Variants in SLC17A8 observed in about 807,000 individuals in gnomAD.
The protein encoded by SLC17A8 is vesicular glutamate transporter 3.
Under a neutral mutation model 58.0 loss-of-function variants are expected in SLC17A8, and 31 were observed. The observed-to-expected ratio is 0.53, with a 90% CI of 0.40 to 0.72. The LOEUF (loss-of-function observed/expected upper bound fraction) is 0.72, where lower values mean the gene tolerates loss of function less well. Ranked by LOEUF, SLC17A8 falls within the 30% of genes least tolerant of loss-of-function variation. The pLI is 0.00. For synonymous variants in SLC17A8, 228 were observed against 249.0 expected (o/e 0.92, Z 0.79); for missense variants, 655 against 727.8 (o/e 0.90, Z 1.15).
intron 9 of SLC17A8, among the ~76,000 whole-genome samples, chr12:100,409,029 C>A (rs766027555): frequency 6.6e-6 from 1 of 152,060 alleles, no homozygotes; most frequent in Non-Finnish European, 1.5e-5. Context: ...GAAATAGGTT[C>A]AAAAAGGTAA....
At chr12:100,389,608 T>TAG (rs1453065049) in intron 2 of SLC17A8, among the ~76,000 whole-genome samples, 1 of 150,706 alleles carries the variant, frequency 6.6e-6, no homozygotes, top group Non-Finnish European at 1.5e-5. Context: ...ATTATATATA[T>TAG]ATAGAGAGAG....
intron 2 of SLC17A8, among the ~76,000 whole-genome samples, chr12:100,383,880 T>A (rs575207887): frequency 4.6e-5 from 7 of 151,972 alleles, no homozygotes; most frequent in South Asian, 4.2e-4. Flanking sequence ...TTAAAAAAAA[T>A]TTTTTTTAGA....
chr12:100,411,438 C>A (rs910992813), intron 9 of SLC17A8, among the ~76,000 whole-genome samples: 4 of 152,154 alleles, frequency 2.6e-5, no homozygotes, highest in Non-Finnish European at 5.9e-5. Flanking sequence ...CAAGATCATG[C>A]CGTTGCACTC....
intron 1 of SLC17A8, among the ~76,000 whole-genome samples, chr12:100,363,862 G>A (rs2135969306): frequency 6.6e-6 from 1 of 151,950 alleles, no homozygotes; most frequent in Non-Finnish European, 1.5e-5. Context: ...TCAACATGGT[G>A]AAACATATAT....
intron 2 of SLC17A8, among the ~76,000 whole-genome samples, chr12:100,388,148 T>C (rs1189808555): frequency 6.6e-6 from 1 of 152,130 alleles, no homozygotes; most frequent in Non-Finnish European, 1.5e-5. Context: ...AGCTCACATC[T>C]CAAATGACCA....
intron 1 of SLC17A8, among the ~76,000 whole-genome samples, chr12:100,364,116 A>ATGG (rs991626839): frequency 2.0e-5 from 3 of 150,106 alleles, no homozygotes; most frequent in Non-Finnish European, 4.4e-5. Context: ...GGTGTGGTAT[A>ATGG]TGGTGGGGCT....
rs190962836 is a variant in SLC17A8, at chr12:100,364,634, T to A, written c.101+7142T>A. Among the ~76,000 whole-genome samples, 21 of 152,344 alleles carry A rather than the reference T, an allele frequency of 1.4e-4. No homozygotes were observed. The East Asian group carries it at 3.9e-3, about 28-fold the overall frequency. On this transcript the variant is annotated intron_variant, in intron 1 of 11. Transcript: ENST00000323346. ...CTCTTCCAAGTGGCATGTGATAATG[T>A]GCAATCAGGAGAGCTCATACTAGGC...
intron 9 of SLC17A8, chr12:100,404,502 G>GCA (rs4015906): frequency 0.044 from 10,297 of 232,870 alleles, 494 homozygotes; most frequent in East Asian, 0.14. Context: ...TGGGATATAT[G>GCA]CACACACACA....
At chr12:100,398,468 C>A (rs1952767925) in intron 5 of SLC17A8, among the ~76,000 whole-genome samples, 1 of 152,152 alleles carries the variant, frequency 6.6e-6, no homozygotes, top group African/African-American at 2.4e-5. Flanking sequence ...AGCAGCCACT[C>A]CCCATTCTTA....
intron 11 of SLC17A8, among the ~76,000 whole-genome samples, chr12:100,419,482 G>A (rs531105722): frequency 1.6e-4 from 24 of 150,534 alleles, no homozygotes; most frequent in African/African-American, 3.9e-4. Context: ...GCAGTGAGCC[G>A]AGATCGCGCC....
intron 10 of SLC17A8, among the ~76,000 whole-genome samples, chr12:100,417,704 C>T (rs970386156): frequency 1.3e-5 from 2 of 152,176 alleles, no homozygotes; most frequent in Non-Finnish European, 2.9e-5. Flanking sequence ...ATTATTTACT[C>T]TGAATAAATG....
At chr12:100,366,643 C>CA (rs1566386061) in intron 1 of SLC17A8, among the ~76,000 whole-genome samples, 1 of 152,294 alleles carries the variant, frequency 6.6e-6, no homozygotes, top group East Asian at 1.9e-4. Flanking sequence ...GTTCCTTAGT[C>CA]ACGGAACCTT....
intron 2 of SLC17A8, among the ~76,000 whole-genome samples, chr12:100,389,689 G>A (rs939748372): frequency 1.3e-5 from 2 of 151,414 alleles, no homozygotes; most frequent in African/African-American, 4.8e-5. Flanking sequence ...GGAGTGCAGT[G>A]TGTGTTTGTA....
chr12:100,418,421 G>A (rs1952923005), intron 11 of SLC17A8, among the ~76,000 whole-genome samples: 1 of 152,150 alleles, frequency 6.6e-6, no homozygotes, highest in Admixed American at 6.5e-5. Flanking sequence ...CATAGAAACT[G>A]TTTAGAGACC....
chr12:100,365,177 G>A (rs891934478), intron 1 of SLC17A8, among the ~76,000 whole-genome samples: 1 of 152,112 alleles, frequency 6.6e-6, no homozygotes, highest in African/African-American at 2.4e-5. Flanking sequence ...GCTCCTGATG[G>A]GTCGTTTTGG....
rs187178497 is a variant in SLC17A8 at position 100,417,221 on chromosome 12, T to C, written c.1298-808T>C. On this transcript the variant is annotated intron_variant, in intron 10 of 11. Coordinates refer to ENST00000323346, the MANE Select transcript of SLC17A8 (RefSeq NM_139319.3). Reference sequence around the variant, plus strand: ...ATGCCCGGCCAGCAGCATTATCTTTTGATAGAAGACCTCAAAGAGAGGGAG... The same window carrying C: ...ATGCCCGGCCAGCAGCATTATCTTTCGATAGAAGACCTCAAAGAGAGGGAG... Among the ~76,000 whole-genome samples the C allele has an allele frequency of 2.6e-5, 4 of 152,308 alleles. No individual in the cohort carries two copies. In the East Asian group the frequency reaches 7.7e-4, roughly 29 times the overall value.
At chr12:100,411,191 G>A (rs1952865029) in intron 9 of SLC17A8, among the ~76,000 whole-genome samples, 2 of 152,210 alleles carry the variant, frequency 1.3e-5, no homozygotes, top group African/African-American at 4.8e-5. Context: ...GCCAGGGGTG[G>A]TGGCTCATGC....
intron 8 of SLC17A8, 128 bp downstream of exon 8, chr12:100,402,873 C>A: frequency 1.0e-6 from 1 of 959,130 alleles, no homozygotes; most frequent in Non-Finnish European, 1.5e-6. Context: ...ACCTAATAGC[C>A]TGGCTGTCAG....
In SLC17A8 at chr12:100,404,279, A is replaced by C. The variant is rs949213264; in HGVS notation, c.1186+109A>C. On this transcript the variant is annotated intron_variant, in intron 9 of 11. Transcript: ENST00000323346. ...ATTTAGTCATTGGAGTGGATCTTAA[A>C]GACCTCTAAGTCTGTCCCTCAGCAG... 1.6e-5 allele frequency: 22 copies of C among 1,411,942 alleles called. No individual in the cohort carries two copies. The African/African-American group carries it at 3.0e-4, about 19-fold the overall frequency. 87.5% of individuals were successfully genotyped at this position (1,411,942 alleles called of 1,614,324 possible). A position where few individuals can be genotyped will look rare whatever the true frequency, so the allele number is the denominator to read the frequency against.
Sources: gnomAD v4.1 joint callset for allele counts (sites outside exome capture counted in the v4.1 genomes callset) on GRCh38, gnomAD v4.1.1 for gene constraint, MANE v1.5 for transcripts, NCBI Gene and HGNC (gene_info 2026-07-23, HGNC 2026-07-21) for gene names.